INPP4B: variants seen among roughly 807,000 people sequenced by gnomAD.
The protein encoded by INPP4B is inositol polyphosphate 4-phosphatase type II.
Under a neutral mutation model 122.5 loss-of-function variants are expected in INPP4B, and 55 were observed. That is an observed-to-expected ratio of 0.45 (90% confidence interval 0.36 to 0.56). The LOEUF (loss-of-function observed/expected upper bound fraction) is 0.56, where lower values mean the gene tolerates loss of function less well. INPP4B is among the 20% of genes least tolerant of loss of function. The pLI is 0.00. For missense variants in INPP4B, 1,000 were observed against 1,097.7 expected (o/e 0.91, Z 1.26); for synonymous variants, 403 against 388.7 (o/e 1.04, Z -0.43).
intron 23 of INPP4B, among the ~76,000 whole-genome samples, chr4:142,107,322 A>G (rs377417603): frequency 2.0e-5 from 3 of 152,334 alleles, no homozygotes; most frequent in African/African-American, 7.2e-5. Context: ...AACAAATAGT[A>G]ACGAGTAGAC....
chr4:142,733,709 G>A (rs1467950308), intron 1 of INPP4B, among the ~76,000 whole-genome samples: 1 of 152,142 alleles, frequency 6.6e-6, no homozygotes, highest in African/African-American at 2.4e-5. Flanking sequence ...TTGGAAAAGA[G>A]TTTGGTAGTA....
At chr4:142,384,026 T>C (rs1346364127) in intron 7 of INPP4B, 1 of 700,014 alleles carries the variant, frequency 1.4e-6, no homozygotes, top group East Asian at 2.7e-5. Flanking sequence ...TGCAGACATT[T>C]GAACAGGTGA....
chr4:142,708,105 G>T (rs1762673621), intron 2 of INPP4B, among the ~76,000 whole-genome samples: 1 of 152,184 alleles, frequency 6.6e-6, no homozygotes, highest in Admixed American at 6.5e-5. Context: ...GAACTTCAGA[G>T]TGATGGTTTT....
chr4:142,419,703 A>G (rs944180291), intron 5 of INPP4B, among the ~76,000 whole-genome samples: 2 of 152,176 alleles, frequency 1.3e-5, no homozygotes, highest in African/African-American at 4.8e-5. Flanking sequence ...GAAATGTAAG[A>G]GAACTTATCT....
intron 18 of INPP4B, among the ~76,000 whole-genome samples, chr4:142,135,040 T>C (rs1390186388): frequency 1.3e-5 from 2 of 152,184 alleles, no homozygotes; most frequent in Non-Finnish European, 2.9e-5. Flanking sequence ...GAAATAATTG[T>C]CTAATGTTGA....
At chr4:142,424,603 T>G (rs1048476435) in intron 5 of INPP4B, among the ~76,000 whole-genome samples, 2 of 152,200 alleles carry the variant, frequency 1.3e-5, no homozygotes, top group Admixed American at 6.6e-5. Flanking sequence ...TATTCTTTTG[T>G]GTGATGAAAT....
At chr4:142,465,702 G>A (rs1041763390) in intron 2 of INPP4B, among the ~76,000 whole-genome samples, 2 of 152,132 alleles carry the variant, frequency 1.3e-5, no homozygotes, top group Non-Finnish European at 2.9e-5. Flanking sequence ...TCCCAGCATT[G>A]GAGATGAGGC....
At chr4:142,521,877 G>C (rs1826121995) in intron 2 of INPP4B, among the ~76,000 whole-genome samples, 1 of 152,018 alleles carries the variant, frequency 6.6e-6, no homozygotes, top group African/African-American at 2.4e-5. Flanking sequence ...CTTTAACTGA[G>C]AAATTGTATT....
At chr4:142,652,648 C>T (rs1231591284) in intron 2 of INPP4B, among the ~76,000 whole-genome samples, 1 of 152,298 alleles carries the variant, frequency 6.6e-6, no homozygotes, top group East Asian at 1.9e-4. Context: ...AGGAATCCAA[C>T]TTACAAGGGA....
intron 2 of INPP4B, among the ~76,000 whole-genome samples, chr4:142,622,850 G>C (rs1405704939): frequency 2.0e-5 from 3 of 151,928 alleles, no homozygotes; most frequent in Non-Finnish European, 4.4e-5. Flanking sequence ...GCGTTATTGA[G>C]ATGTAATTCA....
At chr4:142,115,016 C>A (rs1792347559) in intron 21 of INPP4B, among the ~76,000 whole-genome samples, 2 of 151,704 alleles carry the variant, frequency 1.3e-5, no homozygotes, top group African/African-American at 4.8e-5. Flanking sequence ...TGATGCATGC[C>A]CAAGCTTCAG....
intron 9 of INPP4B, among the ~76,000 whole-genome samples, chr4:142,297,227 C>T (rs960738858): frequency 1.3e-5 from 2 of 152,182 alleles, no homozygotes; most frequent in Admixed American, 1.3e-4. Flanking sequence ...TGCTACCTGG[C>T]AATAAGCCAT....
intron 2 of INPP4B, among the ~76,000 whole-genome samples, chr4:142,719,289 T>C (rs961468557): frequency 2.0e-5 from 3 of 152,168 alleles, no homozygotes; most frequent in Non-Finnish European, 4.4e-5. Flanking sequence ...ATAACATTAT[T>C]AGTATCTATT....
intron 2 of INPP4B, among the ~76,000 whole-genome samples, chr4:142,499,421 A>G (rs1414371172): frequency 1.3e-5 from 2 of 152,186 alleles, no homozygotes; most frequent in Non-Finnish European, 2.9e-5. Context: ...CGAAGTCACA[A>G]AATAATTCAA....
chr4:142,086,081 GAACTGAT>G, intron 24 of INPP4B, 56 bp downstream of exon 24: 1 of 1,102,422 alleles, frequency 9.1e-7, no homozygotes, highest in Non-Finnish European at 1.4e-6. Context: ...GCACAGTAGA[GAACTGAT>G]AATATTTGCT....
intron 11 of INPP4B, among the ~76,000 whole-genome samples, chr4:142,244,756 G>T (rs1170885876): frequency 1.3e-5 from 2 of 152,174 alleles, no homozygotes; most frequent in Non-Finnish European, 2.9e-5. Flanking sequence ...TAATGGGATT[G>T]CTGGGTCAAA....
At chr4:142,431,680 G>A (rs1809336261) in intron 3 of INPP4B, among the ~76,000 whole-genome samples, 2 of 152,094 alleles carry the variant, frequency 1.3e-5, no homozygotes, top group African/African-American at 4.8e-5. Context: ...TGCTAACTTA[G>A]TATAAAACCT....
chr4:142,171,222 A>G (rs1825489210), intron 16 of INPP4B, among the ~76,000 whole-genome samples: 1 of 151,736 alleles, frequency 6.6e-6, no homozygotes, highest in Non-Finnish European at 1.5e-5. Flanking sequence ...CAAGTCTACA[A>G]CAGTAAACTC....
At chr4:142,470,115 T>TAAGTG (rs1199516550) in intron 2 of INPP4B, among the ~76,000 whole-genome samples, 1 of 152,000 alleles carries the variant, frequency 6.6e-6, no homozygotes, top group Non-Finnish European at 1.5e-5. Context: ...TTGAAGCTTA[T>TAAGTG]AAGTGCTAGA....
Sources: allele counts gnomAD v4.1 joint callset (sites outside exome capture counted in the v4.1 genomes callset), GRCh38; gene constraint gnomAD v4.1.1; transcripts MANE v1.5; gene names NCBI Gene and HGNC (gene_info 2026-07-23, HGNC 2026-07-21).